Variants in ADK observed in about 807,000 individuals in gnomAD.
ADK encodes N6,N6-dimethyladenosine kinase.
In ADK, 24 loss-of-function variants were observed where a neutral mutation model predicts 44.7. That is an observed-to-expected ratio of 0.54 (90% CI 0.39 to 0.76). The LOEUF (loss-of-function observed/expected upper bound fraction) is 0.76, where lower values mean the gene tolerates loss of function less well. Among genes scored for constraint, ADK ranks in the 30% least tolerant of loss-of-function variants. ADK has a pLI of 0.00. For synonymous variants in ADK, 128 were observed against 142.6 expected (o/e 0.90, Z 0.73); for missense variants, 321 against 425.1 (o/e 0.76, Z 2.15).
At chr10:74,620,087 C>T (rs986339621) in intron 9 of ADK, among the ~76,000 whole-genome samples, 2 of 152,192 alleles carry the variant, frequency 1.3e-5, no homozygotes, top group Non-Finnish European at 2.9e-5. Context: ...TATCCATCAT[C>T]TCAAACATTT....
intron 9 of ADK, among the ~76,000 whole-genome samples, chr10:74,644,378 G>T (rs1365600741): frequency 6.6e-6 from 1 of 152,224 alleles, no homozygotes; most frequent in African/African-American, 2.4e-5. Flanking sequence ...ACGGTGTACA[G>T]TGGCCCCATT....
intron 2 of ADK, among the ~76,000 whole-genome samples, chr10:74,219,453 A>T (rs1000658309): frequency 6.6e-6 from 1 of 152,330 alleles, no homozygotes; most frequent in African/African-American, 2.4e-5. Context: ...AACATTAGAC[A>T]GATCAATGAG....
At chr10:74,574,924 G>A (rs1432536106) in intron 7 of ADK, among the ~76,000 whole-genome samples, 7 of 152,202 alleles carry the variant, frequency 4.6e-5, no homozygotes, top group African/African-American at 1.7e-4. Flanking sequence ...CATACTATGT[G>A]TGAGGCAGTT....
At chr10:74,296,880 C>G (rs1016216064) in intron 3 of ADK, among the ~76,000 whole-genome samples, 1 of 152,120 alleles carries the variant, frequency 6.6e-6, no homozygotes, top group Non-Finnish European at 1.5e-5. Context: ...TCCCAAAGTG[C>G]TGGGATTACA....
At chr10:74,157,688 G>A (rs1427585237) in intron 1 of ADK, among the ~76,000 whole-genome samples, 9 of 145,986 alleles carry the variant, frequency 6.2e-5, no homozygotes, top group African/African-American at 2.3e-4. Flanking sequence ...AGACCAGCCT[G>A]ACCAACATGG....
intron 3 of ADK, among the ~76,000 whole-genome samples, chr10:74,277,498 G>A (rs1397127957): frequency 6.6e-6 from 1 of 151,886 alleles, no homozygotes; most frequent in Non-Finnish European, 1.5e-5. Flanking sequence ...CCGGGTTCAC[G>A]CCATTCTCCT....
intron 1 of ADK, among the ~76,000 whole-genome samples, chr10:74,172,179 C>T (rs572025202): frequency 7.3e-6 from 1 of 136,666 alleles, no homozygotes; most frequent in Admixed American, 8.2e-5. Context: ...TGTTCTATCT[C>T]TCAGGCTAGA....
intron 7 of ADK, among the ~76,000 whole-genome samples, chr10:74,579,118 C>A (rs1383774675): frequency 6.6e-6 from 1 of 151,862 alleles, no homozygotes; most frequent in African/African-American, 2.4e-5. Context: ...TCTGTAGTCC[C>A]AGCTTCTAGG....
chr10:74,153,747 C>G (rs1016860471), intron 1 of ADK, among the ~76,000 whole-genome samples: 3 of 152,158 alleles, frequency 2.0e-5, no homozygotes, highest in Non-Finnish European at 1.5e-5. Flanking sequence ...TGAAGGTGTT[C>G]CATGATGATC....
At chr10:74,333,123 C>G (rs568903571) in intron 4 of ADK, among the ~76,000 whole-genome samples, 8 of 151,860 alleles carry the variant, frequency 5.3e-5, no homozygotes, top group Non-Finnish European at 1.2e-4. Context: ...GATGACAAAT[C>G]AAAAAATTGA....
chr10:74,182,470 G>A (rs979316229), intron 1 of ADK, among the ~76,000 whole-genome samples: 1 of 152,022 alleles, frequency 6.6e-6, no homozygotes, highest in Admixed American at 6.6e-5. Context: ...CCGGGTTCAA[G>A]CAATTATCCT....
intron 9 of ADK, among the ~76,000 whole-genome samples, chr10:74,625,451 GTA>G (rs141392690): frequency 6.6e-6 from 1 of 150,836 alleles, no homozygotes; most frequent in Admixed American, 6.6e-5. Flanking sequence ...AGTGCTTAAA[GTA>G]TATATATATA....
At chr10:74,236,145 T>C (rs747236920) in intron 3 of ADK, among the ~76,000 whole-genome samples, 1 of 152,246 alleles carries the variant, frequency 6.6e-6, no homozygotes. Context: ...TAATTAGCTC[T>C]TCAAAGATGT....
chr10:74,500,013 T>G (rs1268800275), intron 6 of ADK, among the ~76,000 whole-genome samples: 1 of 152,244 alleles, frequency 6.6e-6, no homozygotes, highest in Admixed American at 6.5e-5. Context: ...CTTTCTGCAC[T>G]GTTAATTTCA....
At chr10:74,451,171 T>G (rs1845766556) in intron 6 of ADK, among the ~76,000 whole-genome samples, 1 of 151,498 alleles carries the variant, frequency 6.6e-6, no homozygotes, top group Non-Finnish European at 1.5e-5. Flanking sequence ...TTTTTCAAGT[T>G]GTTCTGATTT....
At chr10:74,674,104 T>G (rs1855294011) in intron 10 of ADK, among the ~76,000 whole-genome samples, 1 of 152,128 alleles carries the variant, frequency 6.6e-6, no homozygotes. Flanking sequence ...AAGTTCTCAC[T>G]TTGGGCCATG....
intron 9 of ADK, among the ~76,000 whole-genome samples, chr10:74,600,928 T>C (rs1280861303): frequency 3.9e-5 from 6 of 151,918 alleles, no homozygotes; most frequent in African/African-American, 7.2e-5. Flanking sequence ...ATCTATTTTA[T>C]AGCACTCATA....
intron 9 of ADK, among the ~76,000 whole-genome samples, chr10:74,634,327 G>T (rs1302162924): frequency 6.6e-6 from 1 of 151,804 alleles, no homozygotes; most frequent in Non-Finnish European, 1.5e-5. Flanking sequence ...CCATTCTCCC[G>T]CCTCAGCCTC....
intron 10 of ADK, among the ~76,000 whole-genome samples, chr10:74,695,108 A>G (rs1418550389): frequency 6.6e-6 from 1 of 152,184 alleles, no homozygotes; most frequent in African/African-American, 2.4e-5. Context: ...ATTTATTTAT[A>G]GCTATGCCAA....
Sources: gnomAD v4.1 joint callset for allele counts (sites outside exome capture counted in the v4.1 genomes callset) on GRCh38, gnomAD v4.1.1 for gene constraint, MANE v1.5 for transcripts, NCBI Gene and HGNC (gene_info 2026-07-23, HGNC 2026-07-21) for gene names.